RPL13: variants seen among roughly 807,000 people sequenced by gnomAD.
RPL13 encodes ribosomal protein L13, also known as large ribosomal subunit protein eL13.
In RPL13, 1 loss-of-function variant was observed where a neutral mutation model predicts 21.4. The observed-to-expected ratio is 0.05, with a 90% CI of 0.02 to 0.22. The LOEUF (loss-of-function observed/expected upper bound fraction) is 0.22. Ranked by LOEUF, RPL13 falls within the 10% of genes least tolerant of loss-of-function variation. The probability of loss-of-function intolerance (pLI) is 1.00; values close to 1 mark genes in which losing one functional copy is unlikely to be tolerated. For synonymous variants in RPL13, 143 were observed against 120.5 expected, an observed-to-expected ratio of 1.19 and a Z score of -1.23; for missense variants, 289 against 303.0, an observed-to-expected ratio of 0.95 and a Z score of 0.34.
intron 5 of RPL13, 186 bp downstream of exon 5, chr16:89,562,577 T>A (rs903220836): frequency 1.7e-5 from 10 of 603,354 alleles, no homozygotes; most frequent in Non-Finnish European, 2.0e-5. Flanking sequence ...AGCCATACAT[T>A]GGGAAGTATT....
rs760466760 is a variant in RPL13, at chr16:89,562,415, C to G, written c.477+24C>G. 8.7e-6 allele frequency: 14 copies of G among 1,609,036 alleles called. No individual in the cohort carries two copies. The South Asian group carries it at 1.4e-4, about 17-fold the overall frequency. ...ACGTAAGTGAACACTTACTCAAATC[C>G]AGGCTTCAGACGAGATCAGTGGGTG... On this transcript the variant is annotated intron_variant, in intron 5 of 5. Coordinates refer to ENST00000311528, the MANE Select transcript of RPL13 (RefSeq NM_000977.4).
chr16:89,561,779 G>A, intron 4 of RPL13, 28 bp downstream of exon 4: 2 of 1,604,086 alleles, frequency 1.2e-6, no homozygotes, highest in South Asian at 1.1e-5. Context: ...TGGCCGTCCT[G>A]GTGCGCGGGG....
In RPL13 at chr16:89,561,764, C is replaced by G; in HGVS notation, c.420+13C>G. 6.2e-7 allele frequency: 1 copy of G among 1,608,604 alleles called. No homozygotes were observed. Among genetic ancestry groups the G allele is most frequent in the Non-Finnish European group, 8.5e-7 (1 of 1,175,954 alleles). ...GGGAGACAGTTCTGTGAGTACACGG[C>G]TCTCTGGCCGTCCTGGTGCGCGGGG... On this transcript the variant is annotated intron_variant, in intron 4 of 5. Coordinates refer to ENST00000311528, the MANE Select transcript of RPL13 (RefSeq NM_000977.4).
intron 4 of RPL13, chr16:89,562,095 G>T (rs1418724429): frequency 1.7e-6 from 1 of 592,056 alleles, no homozygotes; most frequent in East Asian, 2.9e-5. Flanking sequence ...AGTTTTCTCT[G>T]CCCCGCCCGT....
At chr16:89,562,080 G>A (rs1291068500) in intron 4 of RPL13, 6 of 586,852 alleles carry the variant, frequency 1.0e-5, no homozygotes, top group Middle Eastern at 4.5e-4. Context: ...GTTAAATTAG[G>A]GAACAGTTTT....
chr16:89,562,107 G>T, intron 4 of RPL13: 1 of 600,622 alleles, frequency 1.7e-6, no homozygotes, highest in South Asian at 2.1e-5. Context: ...CCCGCCCGTG[G>T]TTCACAGGTA....
In RPL13 at chr16:89,564,100, T is replaced by A. The variant is rs1313409524; in HGVS notation, c.*1058T>A. On this transcript the variant is annotated 3_prime_UTR_variant, in exon 6 of 6. Coordinates refer to ENST00000311528, the MANE Select transcript of RPL13 (RefSeq NM_000977.4). ...TACCAGCTCACAGCAGCACCTGCTC[T>A]CCTTGGCAGCTATGGCCATGACAAC... The A allele has an allele frequency of 6.6e-6, 1 of 152,306 alleles. No homozygotes were observed. Among genetic ancestry groups the A allele is most frequent in the East Asian group, 1.9e-4 (1 of 5,192 alleles). 9.4% of individuals were successfully genotyped at this position (152,306 alleles called of 1,614,324 possible).
chr16:89,565,520 A>T (rs903008200), downstream of RPL13: 1 of 148,946 alleles, frequency 6.7e-6, no homozygotes. Flanking sequence ...CTGCCACCAG[A>T]TGCAAAGGGG....
At position 89,561,683 on chromosome 16, in the gene RPL13, A is replaced by G. The variant is rs758084824; in HGVS notation, c.352A>G (p.Lys118Glu). ...ESLQANVQRL[K>E]EYRSKLILFP... The stretch of plus-strand genomic sequence containing the variant: ...CCTGCAGGCCAACGTGCAGCGGCTG[A>G]AGGAGTACCGCTCCAAACTCATCCT... The change falls in exon 4 of 6, where the codon AAG (lysine) becomes GAG (glutamate). Residue 118 changes from lysine (K) to glutamate (E), a missense_variant. By Grantham distance (56) the Lys-to-Glu change is moderately conservative. Transcript: ENST00000311528. 15 of 1,613,748 alleles carry G rather than the reference A, an allele frequency of 9.3e-6. 1 individual carries two copies. The highest frequency in any genetic ancestry group is 1.1e-5 in the South Asian group (1 of 91,086).
Position 89,561,582 on chromosome 16 carries a change from C to G in RPL13, c.251C>G (p.Ala84Gly), listed in dbSNP as rs766918538. 9.9e-6 allele frequency: 16 copies of G among 1,613,264 alleles called. No individual in the cohort carries two copies. The African/African-American group carries it at 1.3e-4, about 13-fold the overall frequency. Residue 84 changes from alanine to glycine, a missense_variant, in exon 4 of 6, where the codon GCC becomes GGC. By Grantham distance (60) the Ala-to-Gly change is moderately conservative (BLOSUM62 0). Transcript: ENST00000311528. ...RGFSLEELRV[A>G]GIHKKVARTI... ...CTCTCTCTGGTTCTGGGGCAGGTGG[C>G]CGGCATTCACAAGAAGGTGGCCCGG... is the stretch of plus-strand genomic sequence containing the variant.
chr16:89,566,074 GC>G (rs2058786927), downstream of RPL13: 2 of 152,382 alleles, frequency 1.3e-5, no homozygotes, highest in African/African-American at 4.8e-5. Flanking sequence ...GCTCTGTGGT[GC>G]CCGTGGCCTT....
chr16:89,562,844 T>G (rs1271950975), intron 5 of RPL13, 40 bp from the exon 6 acceptor site: 8 of 1,485,950 alleles, frequency 5.4e-6, no homozygotes, highest in Middle Eastern at 1.8e-4. Flanking sequence ...CCCTTGCCCT[T>G]TGGTGCATGT....
rs956738571 is a variant in RPL13, at chr16:89,563,967, CAG to C, written c.*932_*933del. 6.6e-6 allele frequency: 1 copy of C among 152,224 alleles called. No individual in the cohort carries two copies. The highest frequency in any genetic ancestry group is 1.5e-5 in the Non-Finnish European group (1 of 68,054). 9.4% of individuals were successfully genotyped at this position (152,224 alleles called of 1,614,324 possible). On this transcript the variant is annotated 3_prime_UTR_variant, in exon 6 of 6. Coordinates refer to ENST00000311528, the MANE Select transcript of RPL13 (RefSeq NM_000977.4). ...TCTTGCTTCATGGACAAGAGGCAGC[CAG>C]AGAGAGTGCCAGGGTGCCCTGGTCT...
intron 2 of RPL13, 44 bp from the exon 3 acceptor site, chr16:89,561,183 C>T: frequency 6.6e-7 from 1 of 1,515,484 alleles, no homozygotes; most frequent in Non-Finnish European, 8.8e-7. Context: ...GCTGGCCTGG[C>T]GGCCTTAGGC....
chr16:89,560,681 C>T (rs906258884), upstream of RPL13: 12 of 374,862 alleles, frequency 3.2e-5, no homozygotes, highest in East Asian at 1.5e-4. Context: ...GGGGCCGCTT[C>T]CTTTCCGCTC....
chr16:89,564,544 A>G (rs2058769623), downstream of RPL13: 2 of 152,142 alleles, frequency 1.3e-5, no homozygotes, highest in Admixed American at 1.3e-4. Context: ...GAGTGGTGAC[A>G]CACGCCTGTA....
chr16:89,565,614 T>TGAGTGTGGCCGTGCCC (rs534530846), downstream of RPL13: 1,508 of 148,100 alleles, frequency 0.01, 21 homozygotes, highest in African/African-American at 0.03. Context: ...GACAAGTGCC[T>TGAGTGTGGCCGTGCCC]GAGTGTGGGC....
chr16:89,562,112 CAGGT>C (rs2058749466), intron 4 of RPL13: 1 of 603,522 alleles, frequency 1.7e-6, no homozygotes, highest in Admixed American at 3.4e-5. Flanking sequence ...CCGTGGTTCA[CAGGT>C]AGATAACTGT....
intron 3 of RPL13, 50 bp downstream of exon 3, chr16:89,561,418 G>C (rs1175756217): frequency 6.2e-6 from 10 of 1,612,608 alleles, no homozygotes; most frequent in Non-Finnish European, 8.5e-6. Context: ...AGTCCCCTCT[G>C]TTGGCCTCAG....
Sources: allele counts gnomAD v4.1 joint callset, GRCh38; gene constraint gnomAD v4.1.1; transcripts MANE v1.5; gene names NCBI Gene and HGNC (gene_info 2026-07-23, HGNC 2026-07-21).